The following TRIM44 variants were observed in gnomAD, a reference collection of about 807,000 sequenced individuals.
The protein encoded by TRIM44 is tripartite motif-containing protein 44.
A neutral mutation model predicts 37.4 loss-of-function variants in TRIM44; 13 were observed. That is an observed-to-expected ratio of 0.35 (90% confidence interval 0.23 to 0.55). The LOEUF is 0.55. Among genes scored for constraint, TRIM44 ranks in the 20% least tolerant of loss-of-function variants. The pLI is 0.89. For synonymous variants in TRIM44, 175 were observed against 157.2 expected, an observed-to-expected ratio of 1.11 and a Z score of -0.85; for missense variants, 426 against 437.2, an observed-to-expected ratio of 0.97 and a Z score of 0.23.
chr11:35,772,991 G>A (rs1301644642), intron 4 of TRIM44, among the ~76,000 whole-genome samples: 1 of 152,112 alleles, frequency 6.6e-6, no homozygotes, highest in Non-Finnish European at 1.5e-5. Flanking sequence ...TGTGTTGTGG[G>A]AGGGACCTGG....
At chr11:35,802,394 G>T (rs544603422) in intron 4 of TRIM44, among the ~76,000 whole-genome samples, 18 of 152,292 alleles carry the variant, frequency 1.2e-4, no homozygotes, top group African/African-American at 4.3e-4. Flanking sequence ...TCAGAAGGGT[G>T]AGTGAGAGTA....
chr11:35,684,260 A>AT (rs1851550100), intron 1 of TRIM44, among the ~76,000 whole-genome samples: 1 of 151,810 alleles, frequency 6.6e-6, no homozygotes, highest in Admixed American at 6.6e-5. Flanking sequence ...AAGACCTAGC[A>AT]TAAAAAAAAA....
At chr11:35,684,161 A>G (rs959109776) in intron 1 of TRIM44, among the ~76,000 whole-genome samples, 1 of 152,206 alleles carries the variant, frequency 6.6e-6, no homozygotes, top group African/African-American at 2.4e-5. Context: ...TGACCAATAT[A>G]GTAGTCACTA....
chr11:35,744,055 G>A (rs956220818), intron 4 of TRIM44, among the ~76,000 whole-genome samples: 1 of 152,178 alleles, frequency 6.6e-6, no homozygotes, highest in Non-Finnish European at 1.5e-5. Context: ...TTGCCCTAGT[G>A]TACACTAAAC....
chr11:35,704,456 T>C (rs1770065054), intron 2 of TRIM44, among the ~76,000 whole-genome samples: 1 of 152,068 alleles, frequency 6.6e-6, no homozygotes, highest in Admixed American at 6.5e-5. Context: ...AGACACATAA[T>C]TGTCAGATTC....
intron 4 of TRIM44, among the ~76,000 whole-genome samples, chr11:35,769,019 A>G (rs1470533304): frequency 1.3e-5 from 2 of 152,218 alleles, no homozygotes; most frequent in African/African-American, 4.8e-5. Context: ...TCAAAATTCA[A>G]AAGTTCTGGC....
intron 4 of TRIM44, among the ~76,000 whole-genome samples, chr11:35,751,282 A>G (rs946026304): frequency 6.6e-6 from 1 of 152,244 alleles, no homozygotes; most frequent in African/African-American, 2.4e-5. Flanking sequence ...CATGTTTATC[A>G]TATGTTGGGA....
rs1306834045 is a variant in TRIM44 at position 35,777,847 on chromosome 11, C to CT, written c.1008-28508dup. On this transcript the variant is annotated intron_variant, in intron 4 of 4. Transcript: ENST00000299413. ...TCCACTGTTAGTCTGATGGGCTTCC[C>CT]TTTGTGGGTAACCCGACCTTTCTCT... 7.2e-5 allele frequency among the ~76,000 whole-genome samples: 11 copies of CT among 152,292 alleles called. No homozygotes were observed. The South Asian group carries it at 1.7e-3, about 23-fold the overall frequency.
Position 35,778,570 on chromosome 11 carries a change from C to G in TRIM44, c.1008-27788C>G, listed in dbSNP as rs376824934. Among the ~76,000 whole-genome samples the G allele has an allele frequency of 7.0e-4, 106 of 152,270 alleles. 2 individuals are homozygous for G. In the South Asian group the frequency reaches 0.021, roughly 30 times the overall value. On this transcript the variant is annotated intron_variant, in intron 4 of 4. Transcript: ENST00000299413. ...TTTTAGAATTTTTCGATTTTCTGCT[C>G]TGGTTTCTCCCCATCTTTGTGGTTT...
chr11:35,796,230 G>A (rs560684220), intron 4 of TRIM44, among the ~76,000 whole-genome samples: 18 of 149,790 alleles, frequency 1.2e-4, no homozygotes, highest in South Asian at 1.1e-3. Context: ...GTGTGTGCGC[G>A]CGCGCACGTG....
At chr11:35,694,112 T>C (rs954330542) in intron 2 of TRIM44, among the ~76,000 whole-genome samples, 2 of 152,194 alleles carry the variant, frequency 1.3e-5, no homozygotes, top group Non-Finnish European at 2.9e-5. Context: ...TGCCAACAGC[T>C]GCACATACAC....
chr11:35,696,124 A>G (rs1851694088), intron 2 of TRIM44, among the ~76,000 whole-genome samples: 1 of 151,886 alleles, frequency 6.6e-6, no homozygotes, highest in South Asian at 2.1e-4. Context: ...TTTAGCCAAA[A>G]TGATGAGTCA....
At chr11:35,780,700 T>C (rs1853051366) in intron 4 of TRIM44, among the ~76,000 whole-genome samples, 1 of 152,166 alleles carries the variant, frequency 6.6e-6, no homozygotes, top group Non-Finnish European at 1.5e-5. Flanking sequence ...CAATTCCACA[T>C]AGCATCTCAA....
intron 2 of TRIM44, among the ~76,000 whole-genome samples, chr11:35,695,860 C>G (rs558355488): frequency 6.6e-6 from 1 of 151,312 alleles, no homozygotes; most frequent in Non-Finnish European, 1.5e-5. Context: ...TAATATCACT[C>G]ACTAAAATAT....
At chr11:35,731,339 C>T (rs1483239201) in intron 3 of TRIM44, among the ~76,000 whole-genome samples, 1 of 152,100 alleles carries the variant, frequency 6.6e-6, no homozygotes. Context: ...TTGAAATGAT[C>T]ATACGCATTT....
intron 4 of TRIM44, among the ~76,000 whole-genome samples, chr11:35,742,608 TTAATTATATTAATTGTATTTTATATA>T (rs1852420372): frequency 2.3e-5 from 3 of 132,286 alleles, no homozygotes; most frequent in Admixed American, 8.3e-5. Flanking sequence ...TATAATTATA[TTAATTATATTAATTGTATTTTATATA>T]TAATTATATT....
At chr11:35,686,360 TTG>T (rs1209925106) in intron 2 of TRIM44, among the ~76,000 whole-genome samples, 11 of 150,178 alleles carry the variant, frequency 7.3e-5, no homozygotes, top group African/African-American at 2.5e-4. Context: ...TAGGTTCTTT[TTG>T]TTTTTGTTTT....
At chr11:35,691,671 G>A (rs1235528576) in intron 2 of TRIM44, among the ~76,000 whole-genome samples, 1 of 152,092 alleles carries the variant, frequency 6.6e-6, no homozygotes, top group East Asian at 1.9e-4. Flanking sequence ...TTGAGACAGA[G>A]TCTTGCTGTG....
intron 4 of TRIM44, among the ~76,000 whole-genome samples, chr11:35,746,171 CTTAT>C (rs1367177718): frequency 6.6e-6 from 1 of 152,136 alleles, no homozygotes; most frequent in East Asian, 1.9e-4. Flanking sequence ...TCTCTTCTTC[CTTAT>C]TTGTCTTCAT....
Sources: gnomAD v4.1 joint callset for allele counts (sites outside exome capture counted in the v4.1 genomes callset) on GRCh38, gnomAD v4.1.1 for gene constraint, MANE v1.5 for transcripts, NCBI Gene and HGNC (gene_info 2026-07-23, HGNC 2026-07-21) for gene names.